The following SORCS2 variants were observed in gnomAD, a reference collection of about 807,000 sequenced individuals.
SORCS2 encodes the protein VPS10 domain-containing receptor SorCS2.
Under a neutral mutation model 141.6 loss-of-function variants are expected in SORCS2, and 100 were observed. The ratio of observed to expected loss-of-function variants is 0.71; its 90% CI spans 0.60 to 0.83. The LOEUF (loss-of-function observed/expected upper bound fraction) is 0.83, where lower values mean the gene tolerates loss of function less well. SORCS2 is among the 40% of genes least tolerant of loss of function. The pLI is 0.00. For synonymous variants in SORCS2, 789 were observed against 676.9 expected (o/e 1.17, Z -2.57); for missense variants, 1,646 against 1,560.2 (o/e 1.05, Z -0.93).
Position 7,697,221 on chromosome 4 carries a change from G to A in SORCS2, c.1615G>A (p.Glu539Lys), listed in dbSNP as rs766467879. 2 of 1,588,462 alleles carry A rather than the reference G, an allele frequency of 1.3e-6. No homozygotes were observed. The highest frequency in any genetic ancestry group is 1.7e-6 in the Non-Finnish European group (2 of 1,167,554). Residue 539 changes from glutamate (E) to lysine (K), a missense_variant, in exon 12 of 27, where the codon GAA (glutamate) becomes AAA (lysine). Physicochemically the swap from Glu to Lys is moderately conservative, Grantham distance 56. Transcript: ENST00000507866. Reference sequence around the variant, plus strand: ...AGGTAACCTGGGCTCACAGCTGGTGGAATATAAAGAAGAAATGTACATCAC... The same window carrying A: ...AGGTAACCTGGGCTCACAGCTGGTGAAATATAAAGAAGAAATGTACATCAC... ...GAGNLGSQLV[E>K]YKEEMYITSD...
intron 3 of SORCS2, among the ~76,000 whole-genome samples, chr4:7,566,037 GTGATGATGGCGATGGTGATGA>G (rs1159647755): frequency 0.011 from 1,145 of 100,566 alleles, 13 homozygotes; most frequent in African/African-American, 0.038. Flanking sequence ...GATAATGATA[GTGATGATGGCGATGGTGATGA>G]TGATGATGGT....
chr4:7,579,241 C>A (rs562550696), intron 3 of SORCS2, among the ~76,000 whole-genome samples: 64 of 152,238 alleles, frequency 4.2e-4, no homozygotes, highest in African/African-American at 1.3e-3. Context: ...ATGCATGGAT[C>A]ATTTTAATAT....
intron 2 of SORCS2, among the ~76,000 whole-genome samples, chr4:7,465,611 G>A (rs979914578): frequency 5.9e-5 from 9 of 152,144 alleles, no homozygotes; most frequent in Admixed American, 2.0e-4. Flanking sequence ...TTTTAAGTTC[G>A]TTTTTTCTCC....
chr4:7,726,981 G>T, intron 21 of SORCS2, 78 bp downstream of exon 21: 5 of 1,430,250 alleles, frequency 3.5e-6, no homozygotes, highest in Non-Finnish European at 1.9e-6. Context: ...CATGGGTCGC[G>T]TAAGCCATGG....
intron 2 of SORCS2, among the ~76,000 whole-genome samples, chr4:7,418,469 G>A (rs1264188644): frequency 6.6e-6 from 1 of 152,210 alleles, no homozygotes; most frequent in African/African-American, 2.4e-5. Flanking sequence ...CAAAGTCTGA[G>A]AGACTGACAA....
chr4:7,740,354 G>T lies in SORCS2; in HGVS notation c.*90G>T. The T allele has an allele frequency of 8.3e-7, 1 of 1,211,776 alleles. No homozygotes were observed. The highest frequency in any genetic ancestry group is 1.2e-6 in the Non-Finnish European group (1 of 846,648). 75.1% of individuals were successfully genotyped at this position (1,211,776 alleles called of 1,614,324 possible). On this transcript the variant is annotated 3_prime_UTR_variant, in exon 27 of 27. Coordinates refer to ENST00000507866, the MANE Select transcript of SORCS2 (RefSeq NM_020777.3). ...GGACTGGCGCCCCTCAGAGACCTGCGGAAAGCCCCCTCCCTGAGTCGTCGC... is the reference window on the plus strand; with the variant it reads ...GGACTGGCGCCCCTCAGAGACCTGCTGAAAGCCCCCTCCCTGAGTCGTCGC...
At chr4:7,230,153 T>C (rs1169054749) in intron 1 of SORCS2, among the ~76,000 whole-genome samples, 2 of 137,604 alleles carry the variant, frequency 1.5e-5, no homozygotes, top group Admixed American at 1.5e-4. Flanking sequence ...CATGTGCTCA[T>C]GTATGAAGGA....
At chr4:7,475,994 G>A (rs1283447395) in intron 2 of SORCS2, among the ~76,000 whole-genome samples, 1 of 152,178 alleles carries the variant, frequency 6.6e-6, no homozygotes, top group Non-Finnish European at 1.5e-5. Context: ...GGCTGCCTAG[G>A]AGAGTGAGTG....
intron 3 of SORCS2, among the ~76,000 whole-genome samples, chr4:7,615,669 C>T (rs555409984): frequency 6.6e-6 from 1 of 152,340 alleles, no homozygotes; most frequent in South Asian, 2.1e-4. Context: ...TGTTCTTCAT[C>T]CTTCCAGTGA....
chr4:7,553,554 C>T (rs1246694102), intron 3 of SORCS2, among the ~76,000 whole-genome samples: 1 of 152,206 alleles, frequency 6.6e-6, no homozygotes, highest in Non-Finnish European at 1.5e-5. Context: ...TGTCCAGGGA[C>T]TTGTCTTCAA....
At chr4:7,357,338 A>T (rs536711558) in intron 1 of SORCS2, among the ~76,000 whole-genome samples, 2 of 152,270 alleles carry the variant, frequency 1.3e-5, no homozygotes, top group South Asian at 4.1e-4. Flanking sequence ...CTAATCCCAG[A>T]TGTGAGAATT....
chr4:7,474,639 T>A (rs994253896), intron 2 of SORCS2, among the ~76,000 whole-genome samples: 1 of 152,082 alleles, frequency 6.6e-6, no homozygotes, highest in African/African-American at 2.4e-5. Context: ...AGAAGGTAGC[T>A]GGGAACAGAG....
intron 2 of SORCS2, among the ~76,000 whole-genome samples, chr4:7,506,522 A>G (rs1732287237): frequency 8.7e-6 from 1 of 114,638 alleles, no homozygotes; most frequent in Non-Finnish European, 1.9e-5. Context: ...ATTAGCTGAC[A>G]TCCCGAGATC....
intron 3 of SORCS2, among the ~76,000 whole-genome samples, chr4:7,545,820 C>T (rs11721353): frequency 0.59 from 89,706 of 152,184 alleles, 28,951 homozygotes; most frequent in East Asian, 0.89. Flanking sequence ...CCTCCGTCAG[C>T]TCGGATGGCT....
At chr4:7,416,923 T>C (rs1471471583) in intron 2 of SORCS2, among the ~76,000 whole-genome samples, 1 of 151,230 alleles carries the variant, frequency 6.6e-6, no homozygotes, top group African/African-American at 2.4e-5. Flanking sequence ...CACTGACACA[T>C]TCACACACAC....
At chr4:7,313,264 G>T (rs1718318581) in intron 1 of SORCS2, among the ~76,000 whole-genome samples, 1 of 152,242 alleles carries the variant, frequency 6.6e-6, no homozygotes, top group South Asian at 2.1e-4. Flanking sequence ...GATCTGGTTT[G>T]GATGCTCATG....
rs76473399 is a variant in SORCS2 at position 7,273,289 on chromosome 4, G to C, written c.480+80163G>C. On this transcript the variant is annotated intron_variant, in intron 1 of 26. Coordinates refer to ENST00000507866, the MANE Select transcript of SORCS2 (RefSeq NM_020777.3). ...AATGGAAGGCTGAGGAAGGTGGATG[G>C]AGAGAAGAAAATCTAGCCCTCTTTC... is the stretch of plus-strand genomic sequence containing the variant. 4.6e-4 allele frequency among the ~76,000 whole-genome samples: 70 copies of C among 152,330 alleles called. No individual in the cohort carries two copies. The East Asian group carries it at 0.013, about 29-fold the overall frequency.
intron 2 of SORCS2, among the ~76,000 whole-genome samples, chr4:7,501,914 A>G (rs1731998990): frequency 6.6e-6 from 1 of 152,232 alleles, no homozygotes; most frequent in African/African-American, 2.4e-5. Flanking sequence ...TCCCACAACG[A>G]GCACAGCTTC....
intron 3 of SORCS2, among the ~76,000 whole-genome samples, chr4:7,541,049 C>T (rs1015583473): frequency 3.3e-5 from 5 of 152,214 alleles, no homozygotes; most frequent in African/African-American, 1.2e-4. Flanking sequence ...TTACCCTGGA[C>T]CTGCCATCTG....
Sources: allele counts gnomAD v4.1 joint callset (sites outside exome capture counted in the v4.1 genomes callset), GRCh38; gene constraint gnomAD v4.1.1; transcripts MANE v1.5; gene names NCBI Gene and HGNC (gene_info 2026-07-23, HGNC 2026-07-21).